SESN2: variants seen among roughly 807,000 people sequenced by gnomAD.
SESN2 encodes the protein sestrin 2, also known as sestrin-2.
SESN2 carries 42 observed loss-of-function variants against 56.0 expected under a neutral mutation model. That is an observed-to-expected ratio of 0.75 (90% CI 0.59 to 0.97). The LOEUF (loss-of-function observed/expected upper bound fraction) is 0.97, where lower values mean the gene tolerates loss of function less well. SESN2 is among the 50% of genes least tolerant of loss of function. SESN2 has a pLI of 0.00. For missense variants in SESN2, 507 were observed against 649.4 expected (o/e 0.78, Z 2.38); for synonymous variants, 264 against 267.1 (o/e 0.99, Z 0.11).
At chr1:28,277,668 T>C (rs2149040616) in intron 8 of SESN2, among the ~76,000 whole-genome samples, 1 of 152,328 alleles carries the variant, frequency 6.6e-6, no homozygotes, top group South Asian at 2.1e-4. Context: ...TTTTCCTGCC[T>C]TTCTCACTTA....
At chr1:28,274,799 C>T in intron 7 of SESN2, 26 bp from the exon 8 acceptor site, 1 of 1,584,194 alleles carries the variant, frequency 6.3e-7, no homozygotes, top group East Asian at 2.2e-5. Flanking sequence ...TCCAAAGACT[C>T]ACCAATCCCT....
At chr1:28,270,156 C>G (rs916801109) in intron 2 of SESN2, among the ~76,000 whole-genome samples, 1 of 152,134 alleles carries the variant, frequency 6.6e-6, no homozygotes, top group Non-Finnish European at 1.5e-5. Context: ...TCGAGACCAT[C>G]CTGGCTAACA....
chr1:28,270,283 G>A (rs1468084729), intron 2 of SESN2, among the ~76,000 whole-genome samples: 1 of 151,788 alleles, frequency 6.6e-6, no homozygotes, highest in African/African-American at 2.4e-5. Flanking sequence ...CCCGGGAGGC[G>A]GAGCTTGCAG....
Position 28,273,349 on chromosome 1 carries a change from C to A in SESN2, c.751-9C>A, listed in dbSNP as rs1441696925. The A allele has an allele frequency of 1.9e-6, 3 of 1,577,386 alleles. No individual in the cohort carries two copies. In the African/African-American group the frequency reaches 4.1e-5, roughly 21 times the overall value. ...GGAGTAGCTGGTCACCACGGGGCCT[C>A]TCCTGCAGGGCTTTGAGTCTGCCCG... On this transcript the variant is annotated splice_polypyrimidine_tract_variant and intron_variant, in intron 5 of 9. Coordinates refer to ENST00000253063, the MANE Select transcript of SESN2 (RefSeq NM_031459.5).
intron 8 of SESN2, among the ~76,000 whole-genome samples, chr1:28,276,767 T>C (rs953121030): frequency 9.3e-5 from 14 of 151,224 alleles, no homozygotes; most frequent in African/African-American, 3.4e-4. Context: ...TTAGTAGAGA[T>C]GAGATTTCTC....
At chr1:28,260,169 C>T (rs1354653241) in intron 1 of SESN2, among the ~76,000 whole-genome samples, 2 of 150,154 alleles carry the variant, frequency 1.3e-5, no homozygotes, top group Non-Finnish European at 3.0e-5. Context: ...CCTCCCTCTC[C>T]CCCTCTCCCT....
In SESN2 at chr1:28,259,686, G is replaced by A; in HGVS notation, c.-162G>A. ...TGGGGGAAGAGTCCAGCACCAAAGC[G>A]GCCGTTCTCGGATTCCGGAGCGTTC... On this transcript the variant is annotated 5_prime_UTR_variant, in exon 1 of 10. Coordinates refer to ENST00000253063, the MANE Select transcript of SESN2 (RefSeq NM_031459.5). 1 of 516,872 alleles carries A rather than the reference G, an allele frequency of 1.9e-6. No individual in the cohort carries two copies. Among genetic ancestry groups the A allele is most frequent in the Non-Finnish European group, 3.3e-6 (1 of 302,176 alleles). The allele number at this position is 516,872 out of a possible 1,614,324, so 32.0% of individuals were successfully genotyped here.
At chr1:28,267,408 T>C (rs1647594901) in intron 1 of SESN2, among the ~76,000 whole-genome samples, 1 of 152,204 alleles carries the variant, frequency 6.6e-6, no homozygotes, top group Non-Finnish European at 1.5e-5. Flanking sequence ...AATTGGTACC[T>C]ATTCCAGAGA....
intron 3 of SESN2, 45 bp from the exon 4 acceptor site, chr1:28,272,239 A>G (rs770862183): frequency 1.3e-6 from 2 of 1,598,904 alleles, no homozygotes; most frequent in Non-Finnish European, 1.7e-6. Flanking sequence ...TGAGCCAGGC[A>G]CAAAAGGAGG....
chr1:28,269,929 C>T (rs1647698110), intron 2 of SESN2, among the ~76,000 whole-genome samples: 1 of 152,190 alleles, frequency 6.6e-6, no homozygotes, highest in African/African-American at 2.4e-5. Flanking sequence ...GTGAACAAGA[C>T]AGACAAAAAT....
At chr1:28,267,018 CT>C (rs1022145629) in intron 1 of SESN2, among the ~76,000 whole-genome samples, 3 of 152,204 alleles carry the variant, frequency 2.0e-5, no homozygotes, top group Non-Finnish European at 4.4e-5. Flanking sequence ...CCTAGCACCC[CT>C]GATGGGCCGT....
At chr1:28,279,506 T>C (rs1237146082) in intron 9 of SESN2, among the ~76,000 whole-genome samples, 3 of 152,162 alleles carry the variant, frequency 2.0e-5, no homozygotes, top group African/African-American at 7.2e-5. Flanking sequence ...TATCTCTTGA[T>C]AGCAGTGTGA....
intron 2 of SESN2, among the ~76,000 whole-genome samples, chr1:28,270,818 C>G (rs1050557106): frequency 6.6e-6 from 1 of 152,170 alleles, no homozygotes; most frequent in African/African-American, 2.4e-5. Flanking sequence ...ATCTGCCCAT[C>G]TCTGCCTCCC....
intron 6 of SESN2, 79 bp from the exon 7 acceptor site, chr1:28,273,961 C>G: frequency 1.1e-6 from 1 of 951,102 alleles, no homozygotes; most frequent in Middle Eastern, 2.1e-4. Flanking sequence ...CTTCCCCTCC[C>G]CCTTTTGGTG....
chr1:28,276,115 CCAGCCTGGGCA>C (rs562430575), intron 8 of SESN2, among the ~76,000 whole-genome samples: 10,696 of 151,940 alleles, frequency 0.07, 525 homozygotes, highest in African/African-American at 0.14. Context: ...CCACTGTGCT[CCAGCCTGGGCA>C]ACAGAGCAAG....
In SESN2 at chr1:28,274,032, G is replaced by T. The variant is rs1162557340; in HGVS notation, c.902-8G>T. 1.9e-6 allele frequency: 3 copies of T among 1,587,148 alleles called. No individual in the cohort carries two copies. Among genetic ancestry groups the T allele is most frequent in the Admixed American group, 1.7e-5 (1 of 59,958 alleles). On this transcript the variant is annotated splice_polypyrimidine_tract_variant and splice_region_variant and intron_variant, in intron 6 of 9. Transcript: ENST00000253063. ...TCAGCCTCACTGTGACCTCTTTCTG[G>T]TCCTCAGCTGACATCCTGGAGCCCT...
At chr1:28,272,087 T>C (rs568493668) in intron 3 of SESN2, among the ~76,000 whole-genome samples, 197 bp from the exon 4 acceptor site, 23 of 152,274 alleles carry the variant, frequency 1.5e-4, no homozygotes, top group South Asian at 1.0e-3. Context: ...TTGTGTTAGG[T>C]ACAGATTGGC....
At chr1:28,271,905 G>A (rs1647792829) in intron 3 of SESN2, 34 bp downstream of exon 3, 2 of 1,602,590 alleles carry the variant, frequency 1.2e-6, no homozygotes, top group African/African-American at 2.7e-5. Context: ...TTGGAGAGGT[G>A]GCTTTGTGGT....
chr1:28,264,146 A>T (rs1419024808), intron 1 of SESN2, among the ~76,000 whole-genome samples: 3 of 151,152 alleles, frequency 2.0e-5, no homozygotes, highest in Non-Finnish European at 3.0e-5. Context: ...TGAGCAGGTT[A>T]TGTCTCTACT....
Sources: gnomAD v4.1 joint callset for allele counts (sites outside exome capture counted in the v4.1 genomes callset) on GRCh38, gnomAD v4.1.1 for gene constraint, MANE v1.5 for transcripts, NCBI Gene and HGNC (gene_info 2026-07-23, HGNC 2026-07-21) for gene names.